Variants in CCSER1 observed in about 807,000 individuals in gnomAD.
CCSER1 encodes the protein serine-rich coiled-coil domain-containing protein 1.
CCSER1 carries 41 observed loss-of-function variants against 82.0 expected under a neutral mutation model. The observed-to-expected ratio is 0.50, with a 90% CI of 0.39 to 0.65. CCSER1 has a LOEUF of 0.65. Ranked by LOEUF, CCSER1 falls within the 30% of genes least tolerant of loss-of-function variation. The pLI is 0.00. For missense variants in CCSER1, 1,119 were observed against 1,064.2 expected (o/e 1.05, Z -0.72); for synonymous variants, 414 against 383.9 (o/e 1.08, Z -0.92).
At chr4:91,011,865 T>TAAGGA (rs1739028642) in intron 9 of CCSER1, among the ~76,000 whole-genome samples, 1 of 134,348 alleles carries the variant, frequency 7.4e-6, no homozygotes, top group African/African-American at 2.5e-5. Context: ...TGGAACACAA[T>TAAGGA]TGTGGCTTGG....
intron 10 of CCSER1, among the ~76,000 whole-genome samples, chr4:91,216,173 T>G (rs1282072274): frequency 6.6e-6 from 1 of 152,182 alleles, no homozygotes; most frequent in African/African-American, 2.4e-5. Context: ...GACCTGCAGC[T>G]GGTCAAGAAG....
At chr4:91,578,565 T>A (rs1763566329) in intron 10 of CCSER1, among the ~76,000 whole-genome samples, 1 of 151,902 alleles carries the variant, frequency 6.6e-6, no homozygotes, top group South Asian at 2.1e-4. Context: ...TCTGAGGAAA[T>A]TGATGGCTAG....
At chr4:90,900,608 G>A (rs1724494087) in intron 8 of CCSER1, among the ~76,000 whole-genome samples, 1 of 151,552 alleles carries the variant, frequency 6.6e-6, no homozygotes, top group South Asian at 2.1e-4. Context: ...TCATTTTCTT[G>A]TGTAGTTCTA....
At chr4:90,797,523 G>A (rs1224890717) in intron 7 of CCSER1, among the ~76,000 whole-genome samples, 1 of 152,142 alleles carries the variant, frequency 6.6e-6, no homozygotes, top group Non-Finnish European at 1.5e-5. Flanking sequence ...CTGTTATGAT[G>A]TTAACTGTTT....
chr4:90,276,270 C>T (rs1727724144), intron 1 of CCSER1, among the ~76,000 whole-genome samples: 3 of 123,338 alleles, frequency 2.4e-5, no homozygotes, highest in African/African-American at 9.9e-5. Flanking sequence ...TTCCTTCCTT[C>T]CTTCCTTCCT....
At chr4:91,462,273 C>T (rs192542932) in intron 10 of CCSER1, among the ~76,000 whole-genome samples, 1 of 152,096 alleles carries the variant, frequency 6.6e-6, no homozygotes, top group African/African-American at 2.4e-5. Flanking sequence ...ATATTTTATG[C>T]AAATATGTCA....
chr4:91,483,989 G>A (rs2110053037), intron 10 of CCSER1, among the ~76,000 whole-genome samples: 1 of 148,254 alleles, frequency 6.7e-6, no homozygotes, highest in African/African-American at 2.5e-5. Flanking sequence ...TCCTTATAGT[G>A]CTTACAACTT....
chr4:91,183,885 A>G (rs1205193402), intron 10 of CCSER1, among the ~76,000 whole-genome samples: 1 of 152,214 alleles, frequency 6.6e-6, no homozygotes, highest in African/African-American at 2.4e-5. Flanking sequence ...CAGATTACTC[A>G]TGGCATAGGC....
intron 10 of CCSER1, among the ~76,000 whole-genome samples, chr4:91,275,829 T>G (rs1742387338): frequency 6.6e-6 from 1 of 152,220 alleles, no homozygotes; most frequent in Admixed American, 6.5e-5. Context: ...CTTGAGTTGA[T>G]TTTTGTAGAT....
intron 1 of CCSER1, among the ~76,000 whole-genome samples, chr4:90,202,973 T>G (rs1738054026): frequency 6.6e-6 from 1 of 152,238 alleles, no homozygotes; most frequent in South Asian, 2.1e-4. Context: ...TGATTATCCA[T>G]GTATTTTTAA....
intron 3 of CCSER1, among the ~76,000 whole-genome samples, chr4:90,331,862 G>A (rs1230221182): frequency 6.7e-6 from 1 of 149,552 alleles, no homozygotes; most frequent in African/African-American, 2.5e-5. Context: ...TTATACATTT[G>A]TTCAGATAAT....
chr4:90,454,334 T>C (rs1357552331), intron 4 of CCSER1, among the ~76,000 whole-genome samples: 2 of 152,116 alleles, frequency 1.3e-5, no homozygotes, highest in South Asian at 4.2e-4. Context: ...CAGCCTATTT[T>C]TGCAGCTTCC....
At chr4:90,819,194 G>A (rs11727543) in intron 8 of CCSER1, among the ~76,000 whole-genome samples, 50,696 of 151,852 alleles carry the variant, frequency 0.33, 8,611 homozygotes, top group East Asian at 0.42. Flanking sequence ...GAGATCATGT[G>A]AGCCCTCTGA....
At chr4:90,454,257 T>C (rs1761887770) in intron 4 of CCSER1, among the ~76,000 whole-genome samples, 1 of 150,116 alleles carries the variant, frequency 6.7e-6, no homozygotes, top group African/African-American at 2.5e-5. Context: ...GATTTCCTCC[T>C]GATCCCTATT....
chr4:90,222,986 T>C (rs1742436980), intron 1 of CCSER1, among the ~76,000 whole-genome samples: 1 of 152,152 alleles, frequency 6.6e-6, no homozygotes, highest in Admixed American at 6.5e-5. Context: ...TGTGTGTGTG[T>C]TTAGTTCTAT....
Position 91,543,191 on chromosome 4 carries a change from G to T in CCSER1, c.2218-55381G>T, listed in dbSNP as rs1481564477. Among the ~76,000 whole-genome samples, 3 of 152,068 alleles carry T rather than the reference G, an allele frequency of 2.0e-5. 1 individual carries two copies. In the South Asian group the frequency reaches 6.2e-4, roughly 32 times the overall value. ...CCATCCCCTTATTTTGAACCTATGT[G>T]TGTCTCTGCACATGAGATGGGTCTC... On this transcript the variant is annotated intron_variant, in intron 10 of 10. Transcript: ENST00000509176.
At chr4:90,435,527 A>G (rs1162172845) in intron 4 of CCSER1, among the ~76,000 whole-genome samples, 2 of 152,112 alleles carry the variant, frequency 1.3e-5, no homozygotes, top group African/African-American at 4.8e-5. Context: ...CTCTTGAGTA[A>G]AAGAATAATA....
chr4:91,166,133 C>T (rs1374493751), intron 10 of CCSER1, among the ~76,000 whole-genome samples: 9 of 152,180 alleles, frequency 5.9e-5, no homozygotes, highest in Admixed American at 1.3e-4. Flanking sequence ...ACATCAGATA[C>T]AGAAGTGAGG....
intron 10 of CCSER1, among the ~76,000 whole-genome samples, chr4:91,207,269 C>T (rs1736424096): frequency 6.6e-6 from 1 of 151,744 alleles, no homozygotes; most frequent in Non-Finnish European, 1.5e-5. Context: ...AAACTTGTGA[C>T]TCGTGGACTT....
Sources: allele counts gnomAD v4.1 joint callset (sites outside exome capture counted in the v4.1 genomes callset), GRCh38; gene constraint gnomAD v4.1.1; transcripts MANE v1.5; gene names NCBI Gene and HGNC (gene_info 2026-07-23, HGNC 2026-07-21).